CSMD1: variants seen among roughly 807,000 people sequenced by gnomAD.
CSMD1 encodes CUB and Sushi multiple domains 1, also known as CUB and sushi domain-containing protein 1.
A neutral mutation model predicts 417.5 loss-of-function variants in CSMD1; 213 were observed. That is an observed-to-expected ratio of 0.51 (90% CI 0.46 to 0.57). CSMD1 has a LOEUF of 0.57. Ranked by LOEUF, CSMD1 falls within the 20% of genes least tolerant of loss-of-function variation. CSMD1 has a pLI of 0.00. For missense variants in CSMD1, 6,923 were observed against 4,529.7 expected, an observed-to-expected ratio of 1.53 and a Z score of -15.17; for synonymous variants, 2,862 against 1,736.8, an observed-to-expected ratio of 1.65 and a Z score of -16.11.
At chr8:4,753,122 G>C (rs774878290) in intron 1 of CSMD1, among the ~76,000 whole-genome samples, 3 of 152,110 alleles carry the variant, frequency 2.0e-5, no homozygotes, top group Non-Finnish European at 4.4e-5. Context: ...TTATGGATAA[G>C]AAAAGCGAGG....
intron 3 of CSMD1, among the ~76,000 whole-genome samples, chr8:4,281,611 A>G (rs573761946): frequency 6.6e-6 from 1 of 152,314 alleles, no homozygotes; most frequent in African/African-American, 2.4e-5. Context: ...TATAGCCAAA[A>G]GTTAAAGCTT....
chr8:3,900,581 G>T lies in CSMD1; in HGVS notation c.818+97322C>A, dbSNP rs554113364. 5.3e-5 allele frequency among the ~76,000 whole-genome samples: 8 copies of T among 152,132 alleles called. No homozygotes were observed. In the South Asian group the frequency reaches 1.7e-3, roughly 32 times the overall value. On this transcript the variant is annotated intron_variant, in intron 5 of 69. Transcript: ENST00000635120. ...CAGATGGGTGATACTGTAGCTGGATGACACTCTAGCTGGGTGACAGTGTAG... is the reference window on the plus strand; with the variant it reads ...CAGATGGGTGATACTGTAGCTGGATTACACTCTAGCTGGGTGACAGTGTAG...
intron 15 of CSMD1, among the ~76,000 whole-genome samples, chr8:3,402,857 A>C (rs571374829): frequency 2.6e-5 from 4 of 152,026 alleles, no homozygotes; most frequent in Non-Finnish European, 5.9e-5. Flanking sequence ...TAATCTTATT[A>C]TTAAATTTCT....
chr8:4,871,729 A>T (rs1802749529), intron 1 of CSMD1, among the ~76,000 whole-genome samples: 1 of 152,134 alleles, frequency 6.6e-6, no homozygotes, highest in Non-Finnish European at 1.5e-5. Flanking sequence ...GCATAATTTC[A>T]GAGTTCATAT....
chr8:4,869,528 T>C (rs575230442), intron 1 of CSMD1, among the ~76,000 whole-genome samples: 3 of 152,198 alleles, frequency 2.0e-5, no homozygotes, highest in African/African-American at 4.8e-5. Context: ...GGATAGTGTA[T>C]CTATTTATAT....
intron 26 of CSMD1, among the ~76,000 whole-genome samples, chr8:3,277,406 C>G (rs13255698): frequency 6.6e-6 from 1 of 152,066 alleles, no homozygotes; most frequent in South Asian, 2.1e-4. Flanking sequence ...CAAGGCAGGG[C>G]AGCTCAGACC....
chr8:4,551,047 A>C (rs781368347), intron 2 of CSMD1, among the ~76,000 whole-genome samples: 1 of 152,210 alleles, frequency 6.6e-6, no homozygotes, highest in Non-Finnish European at 1.5e-5. Context: ...AGTCCTTGAC[A>C]ACAAATTCTC....
At chr8:3,996,994 T>G (rs563645736) in intron 5 of CSMD1, among the ~76,000 whole-genome samples, 95 of 152,326 alleles carry the variant, frequency 6.2e-4, no homozygotes, top group African/African-American at 2.1e-3. Context: ...TCACAATCAC[T>G]CATTCCATAT....
chr8:3,300,635 A>G (rs1804319217), intron 25 of CSMD1, among the ~76,000 whole-genome samples: 1 of 152,104 alleles, frequency 6.6e-6, no homozygotes, highest in Non-Finnish European at 1.5e-5. Context: ...TTACAAGACT[A>G]CTTGTCACAT....
chr8:4,305,471 A>G (rs949878408), intron 3 of CSMD1, among the ~76,000 whole-genome samples: 3 of 152,326 alleles, frequency 2.0e-5, no homozygotes, highest in South Asian at 4.1e-4. Context: ...GAATCACTGT[A>G]AAATTAATGT....
At chr8:4,207,771 C>G (rs554117171) in intron 3 of CSMD1, among the ~76,000 whole-genome samples, 18 of 152,134 alleles carry the variant, frequency 1.2e-4, no homozygotes, top group African/African-American at 4.3e-4. Flanking sequence ...ACTAGGATAG[C>G]AAACCATTAG....
rs185596078 is a variant in CSMD1, at chr8:3,753,976, G to C, written c.885C>G (p.Thr295=). 1.4e-4 allele frequency: 222 copies of C among 1,612,810 alleles called. No individual in the cohort carries two copies. The highest frequency in any genetic ancestry group is 1.8e-4 in the Non-Finnish European group (213 of 1,179,408). The change falls in exon 6 of 70, where the codon ACC becomes ACG. Residue 295 remains threonine, a synonymous_variant. Transcript: ENST00000635120. ...CTTTGCGTCGGTGGTTGCTGTCAGA[G>C]GTGAAATGGAGTCGTAGCCAATTCT... is the stretch of plus-strand genomic sequence containing the variant. ...SSKNWLRLHF[T]SDSNHRRKGF...
At position 4,978,916 on chromosome 8, in the gene CSMD1, C is replaced by T. The variant is rs547081181; in HGVS notation, c.85+15416G>A. Among the ~76,000 whole-genome samples the T allele has an allele frequency of 7.9e-5, 12 of 152,198 alleles. No homozygotes were observed. The South Asian group carries it at 8.3e-4, about 11-fold the overall frequency. ...TTGTGCCACTGCACTCCAGCCTGGGCGACAGAGCTATTGGGAACAGTCAGC... is the reference window on the plus strand; with the variant it reads ...TTGTGCCACTGCACTCCAGCCTGGGTGACAGAGCTATTGGGAACAGTCAGC... On this transcript the variant is annotated intron_variant, in intron 1 of 69. Coordinates refer to ENST00000635120, the MANE Select transcript of CSMD1 (RefSeq NM_033225.6).
chr8:3,054,270 T>G (rs1251363638), intron 49 of CSMD1, among the ~76,000 whole-genome samples: 1 of 152,190 alleles, frequency 6.6e-6, no homozygotes, highest in Non-Finnish European at 1.5e-5. Context: ...CCTGGAAATT[T>G]CAAGCTCTAA....
intron 3 of CSMD1, among the ~76,000 whole-genome samples, chr8:4,212,567 A>G (rs897120126): frequency 2.0e-5 from 3 of 152,076 alleles, no homozygotes; most frequent in Admixed American, 2.0e-4. Flanking sequence ...AATAAAGAAT[A>G]GTTGATCAAG....
intron 2 of CSMD1, among the ~76,000 whole-genome samples, chr8:4,541,325 C>G (rs1227724621): frequency 6.6e-6 from 1 of 152,190 alleles, no homozygotes; most frequent in Non-Finnish European, 1.5e-5. Context: ...GTTCTTACAG[C>G]AATTACAGTG....
chr8:4,729,953 C>A lies in CSMD1; in HGVS notation c.86-92395G>T, dbSNP rs1809735171. Among the ~76,000 whole-genome samples the A allele has an allele frequency of 1.3e-5, 2 of 152,316 alleles. 1 individual carries two copies. The highest frequency in any genetic ancestry group is 4.1e-4 in the South Asian group (2 of 4,828). ...CCATGGAATGACTTGTGCGCACACACTGCAGCCTAAACACGGGACAAATCA... is the reference window on the plus strand; with the variant it reads ...CCATGGAATGACTTGTGCGCACACAATGCAGCCTAAACACGGGACAAATCA... On this transcript the variant is annotated intron_variant, in intron 1 of 69. Transcript: ENST00000635120.
At chr8:4,114,860 C>A (rs566170816) in intron 3 of CSMD1, among the ~76,000 whole-genome samples, 13 of 152,224 alleles carry the variant, frequency 8.5e-5, no homozygotes, top group Admixed American at 7.2e-4. Flanking sequence ...TTGCTGCAAT[C>A]TCATGATAAA....
At chr8:3,111,088 C>G (rs2129016215) in intron 42 of CSMD1, among the ~76,000 whole-genome samples, 2 of 152,214 alleles carry the variant, frequency 1.3e-5, no homozygotes, top group East Asian at 1.9e-4. Flanking sequence ...ACTCTGAAAT[C>G]AAACCAACAG....
Sources: allele counts gnomAD v4.1 joint callset (sites outside exome capture counted in the v4.1 genomes callset), GRCh38; gene constraint gnomAD v4.1.1; transcripts MANE v1.5; gene names NCBI Gene and HGNC (gene_info 2026-07-23, HGNC 2026-07-21).